USP26: variants seen among roughly 807,000 people sequenced by gnomAD.
USP26 encodes ubiquitin specific peptidase 26.
For missense variants in USP26, 649 were observed against 642.3 expected, an observed-to-expected ratio of 1.01 and a Z score of -0.11; for synonymous variants, 236 against 240.6, an observed-to-expected ratio of 0.98 and a Z score of 0.18.
At chrX:133,029,695 C>G (rs960513688) in intron 5 of USP26, among the ~76,000 whole-genome samples, 2 of 112,013 alleles carry the variant, frequency 1.8e-5, no homozygotes, top group Non-Finnish European at 3.8e-5. Flanking sequence ...ATTTTGCACC[C>G]AGCTCATCTG....
intron 5 of USP26, among the ~76,000 whole-genome samples, chrX:133,075,192 C>T (rs1243487414): frequency 9.0e-6 from 1 of 111,620 alleles, no homozygotes; most frequent in Non-Finnish European, 1.9e-5. Flanking sequence ...CAAGTTGCAC[C>T]CCACCATTAA....
At chrX:133,073,128 T>C (rs939645776) in intron 5 of USP26, among the ~76,000 whole-genome samples, 1 of 111,016 alleles carries the variant, frequency 9.0e-6, no homozygotes, top group Non-Finnish European at 1.9e-5. Context: ...ATACTAATTG[T>C]AGCTTTTATT....
chrX:133,045,988 A>G (rs1435314204), intron 5 of USP26: 2 of 112,098 alleles, frequency 1.8e-5, no homozygotes, highest in African/African-American at 6.5e-5. Flanking sequence ...AGTAGTGGGT[A>G]AGTTCATTTT....
intron 5 of USP26, among the ~76,000 whole-genome samples, chrX:133,035,376 A>G (rs1181619062): frequency 8.9e-6 from 1 of 112,007 alleles, no homozygotes; most frequent in East Asian, 2.8e-4. Context: ...GGAAATCACA[A>G]AAGATTAGCT....
At chrX:133,070,476 G>A (rs1391395626) in intron 5 of USP26, among the ~76,000 whole-genome samples, 1 of 111,455 alleles carries the variant, frequency 9.0e-6, no homozygotes, top group African/African-American at 3.3e-5. Context: ...TTGTATGTCT[G>A]CATTTTCTCG....
chrX:133,081,939 A>G (rs766609834), intron 5 of USP26, among the ~76,000 whole-genome samples: 14 of 111,821 alleles, frequency 1.3e-4, no homozygotes, highest in Non-Finnish European at 2.4e-4. Flanking sequence ...CAGAGGGAGG[A>G]GTAGTGTCTG....
At chrX:133,096,462 C>T (rs1025471426) in intron 1 of USP26, among the ~76,000 whole-genome samples, 3 of 111,530 alleles carry the variant, frequency 2.7e-5, no homozygotes, top group Non-Finnish European at 5.6e-5. Context: ...AAAGAACCGA[C>T]TCCAAAAGAT....
At chrX:133,038,696 T>C (rs922745454) in intron 5 of USP26, among the ~76,000 whole-genome samples, 1 of 112,213 alleles carries the variant, frequency 8.9e-6, no homozygotes, top group African/African-American at 3.2e-5. Context: ...TAGGGAGTAG[T>C]CCCTCTTTTT....
At chrX:133,036,290 G>T (rs745685957) in intron 5 of USP26, among the ~76,000 whole-genome samples, 2 of 109,858 alleles carry the variant, frequency 1.8e-5, no homozygotes, top group South Asian at 4.0e-4. Flanking sequence ...AGCTCCATAT[G>T]CATTAGGTAT....
chrX:133,075,570 C>T (rs759598697), intron 5 of USP26, among the ~76,000 whole-genome samples: 1 of 111,772 alleles, frequency 8.9e-6, no homozygotes, highest in African/African-American at 3.2e-5. Flanking sequence ...GGGCAGGAAT[C>T]GCTAAGAGCA....
At chrX:133,046,201 A>T (rs757423850) in intron 5 of USP26, among the ~76,000 whole-genome samples, 15 of 111,995 alleles carry the variant, frequency 1.3e-4, no homozygotes, top group African/African-American at 4.9e-4. Flanking sequence ...AGGGAGCTAT[A>T]GCATTTTCAT....
At chrX:133,043,563 C>G (rs1412462526) in intron 5 of USP26, among the ~76,000 whole-genome samples, 1 of 112,468 alleles carries the variant, frequency 8.9e-6, no homozygotes, top group Non-Finnish European at 1.9e-5. Context: ...TGACACTTGA[C>G]TAAGGAGCGC....
chrX:133,095,569 C>T, intron 1 of USP26, among the ~76,000 whole-genome samples: 1 of 111,988 alleles, frequency 8.9e-6, no homozygotes, highest in Non-Finnish European at 1.9e-5. Flanking sequence ...TTGTACAAAA[C>T]CTTTCATAAG....
intron 1 of USP26, among the ~76,000 whole-genome samples, chrX:133,095,418 C>A (rs979509577): frequency 9.8e-5 from 11 of 111,703 alleles, no homozygotes; most frequent in Non-Finnish European, 1.7e-4. Context: ...ATCAAGATTA[C>A]TCCAAAACTT....
chrX:133,091,993 C>T (rs1438432514), intron 1 of USP26, among the ~76,000 whole-genome samples: 1 of 112,015 alleles, frequency 8.9e-6, no homozygotes, highest in Non-Finnish European at 1.9e-5. Flanking sequence ...AGGAAAATTA[C>T]ATAACTTGGA....
Position 133,027,396 on chromosome X carries a change from A to G in USP26, c.825T>C (p.Gly275=). ...GTTTTAATTTATCCCACTTTGTGTAACCGTCACTATACCCTTGTTGTAACA... is the reference window on the plus strand; with the variant it reads ...GTTTTAATTTATCCCACTTTGTGTAGCCGTCACTATACCCTTGTTGTAACA... ...VFLLQQGYSD[G]YTKWDKLKLF... Residue 275 remains glycine, a synonymous_variant, in exon 6 of 6, where the codon GGT becomes GGC. Transcript: ENST00000511190. 8.3e-7 allele frequency: 1 copy of G among 1,211,699 alleles called. No homozygotes were observed. The highest frequency in any genetic ancestry group is 1.1e-6 in the Non-Finnish European group (1 of 895,374).
rs746264092 is a variant in USP26 at position 133,026,084 on chromosome X, T to A, written c.2137A>T (p.Ile713Phe). 9.9e-6 allele frequency: 12 copies of A among 1,208,466 alleles called. No homozygotes were observed. In the African/African-American group the frequency reaches 2.1e-4, roughly 21 times the overall value. Residue 713 changes from isoleucine to phenylalanine, a missense_variant, in exon 6 of 6, where the codon ATT (isoleucine) becomes TTT (phenylalanine). By Grantham distance (21) the Ile-to-Phe change is conservative. Coordinates refer to ENST00000511190, the MANE Select transcript of USP26 (RefSeq NM_031907.3). ...KTSKFVAFDRIINPTKDLYED... is the reference protein window; with the variant it reads ...KTSKFVAFDRFINPTKDLYED... The stretch of plus-strand genomic sequence containing the variant: ...TACAAATCTTTAGTAGGATTGATAA[T>A]CCTATCAAAAGCTACAAACTTACTG...
intron 5 of USP26, among the ~76,000 whole-genome samples, chrX:133,044,347 G>A (rs889119733): frequency 7.9e-5 from 9 of 113,219 alleles, no homozygotes; most frequent in Non-Finnish European, 1.3e-4. Flanking sequence ...GGCCAGAGCC[G>A]GCTCCCTCAG....
intron 5 of USP26, among the ~76,000 whole-genome samples, chrX:133,075,720 G>A (rs989711763): frequency 1.8e-5 from 2 of 111,957 alleles, no homozygotes; most frequent in Non-Finnish European, 3.8e-5. Context: ...CAGGTTGTCA[G>A]ACAGTTCACC....
Sources: gnomAD v4.1 joint callset for allele counts (sites outside exome capture counted in the v4.1 genomes callset) on GRCh38, gnomAD v4.1.1 for gene constraint, MANE v1.5 for transcripts, NCBI Gene and HGNC (gene_info 2026-07-23, HGNC 2026-07-21) for gene names.